GABRB2: variants seen among roughly 807,000 people sequenced by gnomAD.
GABRB2 encodes gamma-aminobutyric acid receptor subunit beta-2.
In GABRB2, 16 loss-of-function variants were observed where a neutral mutation model predicts 54.7. The observed-to-expected ratio is 0.29, with a 90% CI of 0.20 to 0.44. The LOEUF is 0.44. Ranked by LOEUF, GABRB2 falls within the 20% of genes least tolerant of loss-of-function variation. The pLI is 1.00. For synonymous variants in GABRB2, 244 were observed against 233.8 expected (o/e 1.04, Z -0.40); for missense variants, 355 against 644.0 (o/e 0.55, Z 4.86).
chr5:161,506,309 C>T (rs1221476633), intron 3 of GABRB2, among the ~76,000 whole-genome samples: 2 of 152,160 alleles, frequency 1.3e-5, no homozygotes, highest in East Asian at 3.9e-4. Flanking sequence ...TGTCAAATTT[C>T]CCCAGATTGA....
At chr5:161,319,971 C>A (rs982698158) in intron 9 of GABRB2, among the ~76,000 whole-genome samples, 3 of 151,240 alleles carry the variant, frequency 2.0e-5, no homozygotes, top group Admixed American at 6.6e-5. Flanking sequence ...GCATAGTTTT[C>A]TTTTAATTTC....
At chr5:161,441,388 T>TC (rs1284052271) in intron 4 of GABRB2, among the ~76,000 whole-genome samples, 1 of 152,130 alleles carries the variant, frequency 6.6e-6, no homozygotes, top group Non-Finnish European at 1.5e-5. Context: ...GAAATGCAAT[T>TC]CAAAACTACA....
intron 3 of GABRB2, among the ~76,000 whole-genome samples, chr5:161,537,311 G>T (rs1242414664): frequency 6.6e-6 from 1 of 152,034 alleles, no homozygotes; most frequent in Non-Finnish European, 1.5e-5. Flanking sequence ...ACAATGCTCA[G>T]TTCGTCTCTC....
intron 8 of GABRB2, among the ~76,000 whole-genome samples, chr5:161,329,234 ATTAT>A (rs1392014626): frequency 1.4e-4 from 22 of 152,194 alleles, no homozygotes; most frequent in African/African-American, 4.3e-4. Flanking sequence ...ATGAGATAGC[ATTAT>A]TTGTTTGTTT....
chr5:161,356,202 GA>G (rs1346790785), intron 5 of GABRB2, among the ~76,000 whole-genome samples: 1 of 152,108 alleles, frequency 6.6e-6, no homozygotes, highest in Non-Finnish European at 1.5e-5. Context: ...ATAGTAACTT[GA>G]ATACGCTAAT....
chr5:161,521,979 T>C (rs900921642), intron 3 of GABRB2, among the ~76,000 whole-genome samples: 4 of 151,908 alleles, frequency 2.6e-5, no homozygotes, highest in Non-Finnish European at 4.4e-5. Context: ...GTTGCCTTTC[T>C]AGCATTACTA....
Position 161,294,163 on chromosome 5 carries a change from G to C in GABRB2, c.1457C>G (p.Ala486Gly). 1 of 1,614,142 alleles carries C rather than the reference G, an allele frequency of 6.2e-7. No individual in the cohort carries two copies. The highest frequency in any genetic ancestry group is 8.5e-7 in the Non-Finnish European group (1 of 1,180,004). Residue 486 changes from alanine to glycine, a missense_variant, in exon 10 of 10, where the codon GCC (alanine) becomes GGC (glycine). Physicochemically the swap from Ala to Gly is moderately conservative, Grantham distance 60. Coordinates refer to ENST00000393959, the MANE Select transcript of GABRB2 (RefSeq NM_001371727.1). ...ITIPDLTDVN[A>G]IDRWSRIFFP... is the part of the protein sequence containing the mutation. ...GAATATGCGGGACCACCGATCTATG[G>C]CATTCACATCAGTCAAGTCAGGGAT...
At chr5:161,482,953 T>A (rs1055055885) in intron 3 of GABRB2, among the ~76,000 whole-genome samples, 2 of 152,012 alleles carry the variant, frequency 1.3e-5, no homozygotes, top group African/African-American at 4.8e-5. Flanking sequence ...ACAATGATAG[T>A]TCCACTAATT....
chr5:161,500,984 C>G (rs749104935), intron 3 of GABRB2, among the ~76,000 whole-genome samples: 3 of 152,196 alleles, frequency 2.0e-5, no homozygotes, highest in South Asian at 4.1e-4. Context: ...TCCCTCCCCC[C>G]TCCTCCCACC....
rs1486789918 is a variant in GABRB2, at chr5:161,546,575, A to G, written c.69T>C (p.Cys23=). Residue 23 remains cysteine, a synonymous_variant, in exon 1 of 10, where the codon TGT becomes TGC. Coordinates refer to ENST00000393959, the MANE Select transcript of GABRB2 (RefSeq NM_001371727.1). ...ACGCTGGGCACACTTACCTCTGCGC[A>G]CAGACAGCGGCGATTATTAAGGGGA... ...WSFPLIIAAV[C]AQSVNDPSNM... The G allele has an allele frequency of 2.5e-6, 4 of 1,598,098 alleles. No homozygotes were observed. Among genetic ancestry groups the G allele is most frequent in the Non-Finnish European group, 3.4e-6 (4 of 1,171,462 alleles).
chr5:161,540,970 T>C (rs1429312316), intron 3 of GABRB2, among the ~76,000 whole-genome samples: 1 of 152,078 alleles, frequency 6.6e-6, no homozygotes, highest in Non-Finnish European at 1.5e-5. Flanking sequence ...CTCAGCCTCC[T>C]GAGTAGCTGG....
At chr5:161,343,964 G>A (rs1754244718) in intron 5 of GABRB2, among the ~76,000 whole-genome samples, 3 of 152,070 alleles carry the variant, frequency 2.0e-5, no homozygotes, top group South Asian at 2.1e-4. Flanking sequence ...GATTTAATAG[G>A]TGAAACCCCA....
intron 3 of GABRB2, among the ~76,000 whole-genome samples, chr5:161,523,756 C>A (rs1581057334): frequency 6.6e-6 from 1 of 150,998 alleles, no homozygotes; most frequent in Admixed American, 6.6e-5. Context: ...TCTGAATATT[C>A]TATTGTCACC....
At chr5:161,432,879 T>C (rs920930579) in intron 4 of GABRB2, among the ~76,000 whole-genome samples, 94 of 152,326 alleles carry the variant, frequency 6.2e-4, no homozygotes, top group African/African-American at 2.1e-3. Context: ...TATTAATGTA[T>C]GCTCCATTTT....
intron 5 of GABRB2, among the ~76,000 whole-genome samples, chr5:161,359,736 A>C (rs1754746229): frequency 6.6e-6 from 1 of 152,232 alleles, no homozygotes. Flanking sequence ...CTAGAAAAGC[A>C]CTACAGATGA....
At chr5:161,331,659 A>G (rs575105513) in intron 7 of GABRB2, among the ~76,000 whole-genome samples, 94 of 152,236 alleles carry the variant, frequency 6.2e-4, no homozygotes, top group African/African-American at 2.2e-3. Context: ...TCTCGGAAAA[A>G]TCATTGTGGG....
intron 3 of GABRB2, among the ~76,000 whole-genome samples, chr5:161,476,387 A>G (rs1451057741): frequency 6.6e-6 from 1 of 151,900 alleles, no homozygotes; most frequent in Non-Finnish European, 1.5e-5. Flanking sequence ...TTTTAATGCA[A>G]TTCTTATCAA....
chr5:161,495,884 A>G (rs931006458), intron 3 of GABRB2, among the ~76,000 whole-genome samples: 2 of 152,144 alleles, frequency 1.3e-5, no homozygotes, highest in African/African-American at 4.8e-5. Flanking sequence ...ATAAGCTGGC[A>G]TGCTTCCTTT....
At chr5:161,372,398 T>C (rs886253125) in intron 5 of GABRB2, among the ~76,000 whole-genome samples, 1 of 152,152 alleles carries the variant, frequency 6.6e-6, no homozygotes, top group Non-Finnish European at 1.5e-5. Flanking sequence ...GTTGTATACA[T>C]GGTTAGGCTT....
Sources: gnomAD v4.1 joint callset for allele counts (sites outside exome capture counted in the v4.1 genomes callset) on GRCh38, gnomAD v4.1.1 for gene constraint, MANE v1.5 for transcripts, NCBI Gene and HGNC (gene_info 2026-07-23, HGNC 2026-07-21) for gene names.